Variants in ARK2N observed in about 807,000 individuals in gnomAD.
The protein encoded by ARK2N is protein ARK2N.
At chr18:46,224,629 T>C in the ARK2N span, among the ~76,000 whole-genome samples, 1 of 152,274 alleles carries the variant, frequency 6.6e-6, no homozygotes, top group South Asian at 2.1e-4. Context: ...CAGTTCTTAT[T>C]GTTCAGCAAA....
chr18:46,238,005 G>C, the ARK2N span, among the ~76,000 whole-genome samples: 7 of 152,172 alleles, frequency 4.6e-5, no homozygotes. Flanking sequence ...GAAGAAACAA[G>C]AATGAAGCCA....
At chr18:46,204,639 C>A in the ARK2N span, among the ~76,000 whole-genome samples, 1 of 152,138 alleles carries the variant, frequency 6.6e-6, no homozygotes, top group African/African-American at 2.4e-5. Context: ...GTGTTTCTTA[C>A]AATTCTAGGT....
the ARK2N span, among the ~76,000 whole-genome samples, chr18:46,238,707 T>TA: frequency 6.6e-6 from 1 of 152,214 alleles, no homozygotes; most frequent in African/African-American, 2.4e-5. Flanking sequence ...ATTTTTTATT[T>TA]AAAAAATATT....
the ARK2N span, among the ~76,000 whole-genome samples, chr18:46,235,320 G>A: frequency 6.6e-6 from 1 of 152,212 alleles, no homozygotes; most frequent in South Asian, 2.1e-4. Context: ...ACCGAGTTGG[G>A]TTCATCTATG....
the ARK2N span, among the ~76,000 whole-genome samples, chr18:46,229,316 A>G: frequency 6.6e-6 from 1 of 152,042 alleles, no homozygotes; most frequent in African/African-American, 2.4e-5. Context: ...TTGTTTTTAT[A>G]TTACAGACAT....
the ARK2N span, among the ~76,000 whole-genome samples, chr18:46,248,682 T>A: frequency 2.6e-5 from 4 of 152,112 alleles, no homozygotes; most frequent in African/African-American, 9.7e-5. Context: ...CCTCCTGGGT[T>A]CAAGCGATTC....
the ARK2N span, among the ~76,000 whole-genome samples, chr18:46,186,200 AT>A: frequency 0.27 from 39,926 of 145,490 alleles, 5,348 homozygotes; most frequent in East Asian, 0.43. Context: ...ATTATCATGA[AT>A]TTTTTTTTTT....
the ARK2N span, among the ~76,000 whole-genome samples, chr18:46,261,975 C>T: frequency 5.3e-5 from 8 of 152,122 alleles, no homozygotes; most frequent in African/African-American, 1.9e-4. Flanking sequence ...TTGTTGCTTA[C>T]AGATTGTCAA....
At chr18:46,253,612 T>A in the ARK2N span, 1 of 1,482,826 alleles carries the variant, frequency 6.7e-7, no homozygotes, top group African/African-American at 1.4e-5. Context: ...TAAACCTAGA[T>A]GACAAATCTG....
the ARK2N span, among the ~76,000 whole-genome samples, chr18:46,248,371 G>T: frequency 4.6e-5 from 7 of 152,170 alleles, no homozygotes; most frequent in Non-Finnish European, 1.0e-4. Flanking sequence ...TTGTAGGAGG[G>T]TGAGCAGTGG....
the ARK2N span, among the ~76,000 whole-genome samples, chr18:46,254,389 A>G: frequency 6.6e-6 from 1 of 152,220 alleles, no homozygotes; most frequent in African/African-American, 2.4e-5. Flanking sequence ...CAAGACATCA[A>G]GTTGGTGTGT....
At chr18:46,209,996 A>G in the ARK2N span, among the ~76,000 whole-genome samples, 1 of 152,356 alleles carries the variant, frequency 6.6e-6, no homozygotes, top group East Asian at 1.9e-4. Flanking sequence ...AGAGAAAAAC[A>G]TCAGATAAAT....
chr18:46,250,823 A>G, the ARK2N span, among the ~76,000 whole-genome samples: 2 of 151,992 alleles, frequency 1.3e-5, no homozygotes, highest in African/African-American at 4.8e-5. Context: ...GTTACCCCCA[A>G]ATCTCACCAA....
At chr18:46,216,102 A>G in the ARK2N span, 2 of 1,614,156 alleles carry the variant, frequency 1.2e-6, no homozygotes, top group Non-Finnish European at 1.7e-6. The surrounding 1 kb of genome is among the most constrained non-coding windows in gnomAD (Gnocchi z 4.3). Flanking sequence ...TAGCATCCAC[A>G]GAGAGTGACA....
At chr18:46,231,764 T>G in the ARK2N span, 1 of 152,318 alleles carries the variant, frequency 6.6e-6, no homozygotes, top group South Asian at 2.1e-4. Context: ...TGTTTTTTGT[T>G]TTTTTTTGAG....
At chr18:46,253,570 A>G in the ARK2N span, 2 of 1,185,110 alleles carry the variant, frequency 1.7e-6, no homozygotes, top group African/African-American at 1.5e-5. Flanking sequence ...TTGCTGTGGC[A>G]AGCTCTCACA....
At chr18:46,178,322 A>AT in the ARK2N span, among the ~76,000 whole-genome samples, 38 of 151,810 alleles carry the variant, frequency 2.5e-4, no homozygotes, top group African/African-American at 9.0e-4. Flanking sequence ...TTATTTATTT[A>AT]TTTTTTTTGA....
At chr18:46,246,706 G>GTCTAC in the ARK2N span, among the ~76,000 whole-genome samples, 1 of 119,600 alleles carries the variant, frequency 8.4e-6, no homozygotes, top group African/African-American at 3.0e-5. Flanking sequence ...ACTTTGGGAG[G>GTCTAC]CCGAGGCGGG....
the ARK2N span, among the ~76,000 whole-genome samples, chr18:46,176,346 T>C: frequency 6.6e-6 from 1 of 152,248 alleles, no homozygotes; most frequent in Admixed American, 6.6e-5. Context: ...TCTTAGATCT[T>C]CCTCATTTTC....
Sources: allele counts gnomAD v4.1 joint callset (sites outside exome capture counted in the v4.1 genomes callset), GRCh38; gene constraint gnomAD v4.1.1; non-coding constraint Gnocchi (gnomAD v3.1); transcripts MANE v1.5; gene names NCBI Gene and HGNC (gene_info 2026-07-23, HGNC 2026-07-21).